EFCAB6: variants seen among roughly 807,000 people sequenced by gnomAD.
EFCAB6 encodes the protein EF-hand calcium binding domain 6, also known as EF-hand calcium-binding domain-containing protein 6.
A neutral mutation model predicts 169.8 loss-of-function variants in EFCAB6; 156 were observed. The observed-to-expected ratio is 0.92, with a 90% CI of 0.81 to 1.05. EFCAB6 has a LOEUF of 1.05. EFCAB6 is among the 50% of genes least tolerant of loss of function. The pLI, the probability that EFCAB6 is intolerant of heterozygous loss-of-function variation, is 0.00. For synonymous variants in EFCAB6, 698 were observed against 676.4 expected, an observed-to-expected ratio of 1.03 and a Z score of -0.50; for missense variants, 1,800 against 1,829.1, an observed-to-expected ratio of 0.98 and a Z score of 0.29.
chr22:43,690,219 G>C (rs1381717310), intron 10 of EFCAB6, among the ~76,000 whole-genome samples: 2 of 152,000 alleles, frequency 1.3e-5, no homozygotes, highest in African/African-American at 2.4e-5. Context: ...GTAAATCCGG[G>C]CTGGGCGCGG....
At chr22:43,650,576 G>C (rs1210831517) in intron 17 of EFCAB6, among the ~76,000 whole-genome samples, 1 of 152,182 alleles carries the variant, frequency 6.6e-6, no homozygotes, top group Non-Finnish European at 1.5e-5. Flanking sequence ...GGGCATTGCT[G>C]AAAAGATACC....
chr22:43,645,854 AAAAAAAAAAC>A (rs1219347685), intron 17 of EFCAB6, among the ~76,000 whole-genome samples: 1 of 127,062 alleles, frequency 7.9e-6, no homozygotes, highest in Non-Finnish European at 1.6e-5. Flanking sequence ...TTTAAAACTA[AAAAAAAAAAC>A]AAAAACAAAA....
rs191735884 is a variant in EFCAB6 at position 43,534,404 on chromosome 22, C to G, written c.4233+284G>C. On this transcript the variant is annotated intron_variant, in intron 30 of 31. Transcript: ENST00000262726. ...TGAACCTCTTTCTTTTATAAATTAC[C>G]CAGTCTCAGGTAGTATCTTTATAGC... 7.4e-4 allele frequency among the ~76,000 whole-genome samples: 113 copies of G among 152,220 alleles called. 1 individual carries two copies. The highest frequency in any genetic ancestry group is 8.2e-4 in the Non-Finnish European group (56 of 68,022).
chr22:43,681,664 A>T (rs2058011153), intron 12 of EFCAB6, among the ~76,000 whole-genome samples: 1 of 152,124 alleles, frequency 6.6e-6, no homozygotes, highest in Non-Finnish European at 1.5e-5. Flanking sequence ...CTAATAGTTT[A>T]TTGCAGTTTA....
In EFCAB6 at chr22:43,795,844, C is replaced by T. The variant is rs900217383; in HGVS notation, c.-8+13151G>A. On this transcript the variant is annotated intron_variant, in intron 2 of 31. Transcript: ENST00000262726. The surrounding 1 kb of genome is among the most constrained non-coding windows in gnomAD (Gnocchi z 4.2). ...AACACACACACACACACACACACTACACACTCACCACATACTCTCACCATA... is the reference window on the plus strand; with the variant it reads ...AACACACACACACACACACACACTATACACTCACCACATACTCTCACCATA... Among the ~76,000 whole-genome samples, 1 of 150,750 alleles carries T rather than the reference C, an allele frequency of 6.6e-6. No homozygotes were observed. Among genetic ancestry groups the T allele is most frequent in the African/African-American group, 2.4e-5 (1 of 40,830 alleles).
Position 43,795,642 on chromosome 22 carries a change from C to T in EFCAB6, c.-7-13317G>A, listed in dbSNP as rs771968523. Among the ~76,000 whole-genome samples the T allele has an allele frequency of 2.6e-5, 4 of 152,148 alleles. No homozygotes were observed. Among genetic ancestry groups the T allele is most frequent in the Admixed American group, 6.5e-5 (1 of 15,280 alleles). ...TCCGGCACTGTACATACCCCAACTT[C>T]GCATTACACTTTTAGTTGGGAAATT... On this transcript the variant is annotated intron_variant, in intron 2 of 31. Coordinates refer to ENST00000262726, the MANE Select transcript of EFCAB6 (RefSeq NM_022785.4). The surrounding 1 kb of genome is among the most constrained non-coding windows in gnomAD (Gnocchi z 4.2).
chr22:43,596,945 C>G (rs1056062535), intron 23 of EFCAB6, among the ~76,000 whole-genome samples: 1 of 152,098 alleles, frequency 6.6e-6, no homozygotes, highest in East Asian at 1.9e-4. Context: ...GAAGTAAATC[C>G]ATGCACTTAC....
At chr22:43,734,523 G>A (rs1370558932) in intron 7 of EFCAB6, among the ~76,000 whole-genome samples, 1 of 152,196 alleles carries the variant, frequency 6.6e-6, no homozygotes, top group Non-Finnish European at 1.5e-5. Flanking sequence ...GGAGACTGCA[G>A]TGCCAAACAC....
chr22:43,767,226 C>T (rs986381817), intron 4 of EFCAB6, among the ~76,000 whole-genome samples: 8 of 152,142 alleles, frequency 5.3e-5, no homozygotes, highest in Admixed American at 1.3e-4. Flanking sequence ...TTGCAGTCTT[C>T]TCCAAAGGAT....
Position 43,755,902 on chromosome 22 carries a change from G to A in EFCAB6, c.441-70C>T, listed in dbSNP as rs563310422. 280 of 1,321,010 alleles carry A rather than the reference G, an allele frequency of 2.1e-4. 1 individual carries two copies. In the South Asian group the frequency reaches 3.9e-3, roughly 18 times the overall value. The allele number at this position is 1,321,010 out of a possible 1,614,324, so 81.8% of individuals were successfully genotyped here. ...TAAATGTTTACATAGGATATGCAGAGATCAAAATTACAAGGATTTCCAAAT... is the reference window on the plus strand; with the variant it reads ...TAAATGTTTACATAGGATATGCAGAAATCAAAATTACAAGGATTTCCAAAT... On this transcript the variant is annotated intron_variant, in intron 5 of 31. Coordinates refer to ENST00000262726, the MANE Select transcript of EFCAB6 (RefSeq NM_022785.4).
At chr22:43,811,486 G>C (rs909108212) in intron 1 of EFCAB6, among the ~76,000 whole-genome samples, 6 of 152,182 alleles carry the variant, frequency 3.9e-5, no homozygotes, top group Non-Finnish European at 2.9e-5. Flanking sequence ...GAAAGGAAGG[G>C]AGTAGAGAGA....
chr22:43,714,723 T>C (rs1383233832), intron 9 of EFCAB6, among the ~76,000 whole-genome samples: 2 of 151,890 alleles, frequency 1.3e-5, no homozygotes, highest in African/African-American at 2.4e-5. Context: ...TGTTCAAATA[T>C]AAAAGCAAAA....
At chr22:43,783,590 C>T (rs2061906572) in intron 2 of EFCAB6, among the ~76,000 whole-genome samples, 1 of 152,316 alleles carries the variant, frequency 6.6e-6, no homozygotes, top group East Asian at 1.9e-4. Flanking sequence ...TCTATCCAAC[C>T]ATGAGCTGAC....
At chr22:43,636,822 G>A (rs1435349361) in intron 17 of EFCAB6, among the ~76,000 whole-genome samples, 1 of 151,956 alleles carries the variant, frequency 6.6e-6, no homozygotes, top group Non-Finnish European at 1.5e-5. Context: ...ATGTTAGCCA[G>A]GATGGTCTCG....
intron 13 of EFCAB6, among the ~76,000 whole-genome samples, chr22:43,675,642 T>C (rs1411127894): frequency 1.4e-5 from 2 of 146,684 alleles, no homozygotes; most frequent in Non-Finnish European, 3.0e-5. Flanking sequence ...CAATTATTGT[T>C]ATATAAAGTA....
chr22:43,728,394 T>C (rs1021977855), intron 8 of EFCAB6, among the ~76,000 whole-genome samples: 3 of 152,248 alleles, frequency 2.0e-5, no homozygotes, highest in African/African-American at 7.2e-5. Context: ...GTCTTTATAG[T>C]AGAATGATTT....
intron 5 of EFCAB6, among the ~76,000 whole-genome samples, chr22:43,760,659 T>TTG (rs909444265): frequency 2.0e-5 from 3 of 151,246 alleles, no homozygotes; most frequent in Non-Finnish European, 4.4e-5. Context: ...AGGTGCATTT[T>TTG]TTTTTTTTTT....
chr22:43,583,897 T>C (rs1303176427), intron 24 of EFCAB6, among the ~76,000 whole-genome samples: 1 of 152,156 alleles, frequency 6.6e-6, no homozygotes, highest in Non-Finnish European at 1.5e-5. Context: ...CTGAGACATA[T>C]GTGAAATGAT....
At chr22:43,592,499 C>T (rs1008638121) in intron 23 of EFCAB6, among the ~76,000 whole-genome samples, 5 of 152,288 alleles carry the variant, frequency 3.3e-5, no homozygotes, top group South Asian at 4.1e-4. Context: ...AAGCATTCAG[C>T]GTTTCTTGGA....
Sources: allele counts gnomAD v4.1 joint callset (sites outside exome capture counted in the v4.1 genomes callset), GRCh38; gene constraint gnomAD v4.1.1; non-coding constraint Gnocchi (gnomAD v3.1); transcripts MANE v1.5; gene names NCBI Gene and HGNC (gene_info 2026-07-23, HGNC 2026-07-21).